PGAP1: variants seen among roughly 807,000 people sequenced by gnomAD.
The protein encoded by PGAP1 is post-GPI attachment to proteins inositol deacylase 1.
PGAP1 carries 76 observed loss-of-function variants against 127.0 expected under a neutral mutation model. The ratio of observed to expected loss-of-function variants is 0.60; its 90% CI spans 0.50 to 0.72. The LOEUF (loss-of-function observed/expected upper bound fraction) is 0.72. Among genes scored for constraint, PGAP1 ranks in the 30% least tolerant of loss-of-function variants. The probability of loss-of-function intolerance (pLI) is 0.00; values close to 1 mark genes in which losing one functional copy is unlikely to be tolerated. For synonymous variants in PGAP1, 362 were observed against 366.5 expected, an observed-to-expected ratio of 0.99 and a Z score of 0.14; for missense variants, 982 against 1,071.3, an observed-to-expected ratio of 0.92 and a Z score of 1.16.
At chr2:196,875,419 T>C (rs909862159) in intron 14 of PGAP1, among the ~76,000 whole-genome samples, 16 of 152,174 alleles carry the variant, frequency 1.1e-4, no homozygotes, top group Non-Finnish European at 1.9e-4. Context: ...TTTAGAGAAA[T>C]CTTGAAACCT....
At chr2:196,883,354 G>C (rs924029090) in intron 12 of PGAP1, among the ~76,000 whole-genome samples, 1 of 152,152 alleles carries the variant, frequency 6.6e-6, no homozygotes, top group Non-Finnish European at 1.5e-5. Flanking sequence ...CTAACAATCT[G>C]ACCAGATTCA....
chr2:196,905,173 G>A (rs6434887), intron 4 of PGAP1, among the ~76,000 whole-genome samples: 17,240 of 152,122 alleles, frequency 0.11, 1,260 homozygotes, highest in African/African-American at 0.21. Context: ...CATTCCTCAA[G>A]TAATTTTTAA....
chr2:196,847,958 C>T lies in PGAP1; in HGVS notation c.1941G>A (p.Lys647=). ...YKVDPFVIII[K]FLLGYKWFKE... The stretch of plus-strand genomic sequence containing the variant: ...ATAATAAAACTTACCCCAACAGAAA[C>T]TTAATGATAATTACAAAAGGATCAA... The change falls in exon 21 of 27, where the codon AAG becomes AAA. Residue 647 remains lysine (K), a synonymous_variant. Coordinates refer to ENST00000354764, the MANE Select transcript of PGAP1 (RefSeq NM_024989.4). The T allele has an allele frequency of 6.3e-7, 1 of 1,584,508 alleles. No individual in the cohort carries two copies. Among genetic ancestry groups the T allele is most frequent in the Non-Finnish European group, 8.6e-7 (1 of 1,167,230 alleles).
chr2:196,881,506 T>A (rs575185126), intron 12 of PGAP1, among the ~76,000 whole-genome samples: 1 of 152,334 alleles, frequency 6.6e-6, no homozygotes, highest in East Asian at 1.9e-4. Flanking sequence ...GTGTTCCTTT[T>A]TCTCTGCAAC....
At position 196,898,371 on chromosome 2, in the gene PGAP1, TA is replaced by T. The variant is rs1702356044; in HGVS notation, c.808-3del. 1.2e-6 allele frequency: 2 copies of T among 1,602,196 alleles called. No individual in the cohort carries two copies. Among genetic ancestry groups the T allele is most frequent in the African/African-American group, 1.3e-5 (1 of 74,378 alleles). ...CCAGGTCTTAGGCACTGCTGAACTC[TA>T]AAAGAAAAGAAAAAAATAAACTTAC... On this transcript the variant is annotated splice_polypyrimidine_tract_variant and splice_region_variant and intron_variant, in intron 5 of 26. Coordinates refer to ENST00000354764, the MANE Select transcript of PGAP1 (RefSeq NM_024989.4).
At chr2:196,902,791 A>C (rs1314802212) in intron 4 of PGAP1, 49 bp from the exon 5 acceptor site, 2 of 1,392,244 alleles carry the variant, frequency 1.4e-6, no homozygotes, top group Non-Finnish European at 2.0e-6. Flanking sequence ...CCATTCCCTG[A>C]AACAATAAGA....
chr2:196,894,746 G>C (rs1319665567), intron 7 of PGAP1, among the ~76,000 whole-genome samples: 1 of 152,146 alleles, frequency 6.6e-6, no homozygotes, highest in Non-Finnish European at 1.5e-5. Flanking sequence ...AGCTTGCAGT[G>C]AGCCGAGATC....
intron 9 of PGAP1, 144 bp from the exon 10 acceptor site, chr2:196,891,055 A>G (rs1290323141): frequency 1.8e-6 from 1 of 558,260 alleles, no homozygotes; most frequent in Non-Finnish European, 3.3e-6. Flanking sequence ...GGAGTGGGAG[A>G]AGGAAGATAC....
rs148811808 is a variant in PGAP1 at position 196,884,446 on chromosome 2, C to G, written c.1272+978G>C. Among the ~76,000 whole-genome samples, 210 of 152,184 alleles carry G rather than the reference C, an allele frequency of 1.4e-3. 1 individual carries two copies. Among genetic ancestry groups the G allele is most frequent in the African/African-American group, 4.9e-3 (202 of 41,550 alleles). Reference sequence around the variant, plus strand: ...ACAAGGTCACATGAATGAATATGTACAAATAAGATTGACCAAGGTGACAAA... The same window carrying G: ...ACAAGGTCACATGAATGAATATGTAGAAATAAGATTGACCAAGGTGACAAA... On this transcript the variant is annotated intron_variant, in intron 12 of 26. Coordinates refer to ENST00000354764, the MANE Select transcript of PGAP1 (RefSeq NM_024989.4).
intron 20 of PGAP1, among the ~76,000 whole-genome samples, chr2:196,863,696 G>C (rs1701143209): frequency 6.6e-6 from 1 of 152,144 alleles, no homozygotes; most frequent in Non-Finnish European, 1.5e-5. Flanking sequence ...TCCTGCCTCA[G>C]TCTCCTGGAC....
At chr2:196,857,733 C>T (rs1700930250) in intron 20 of PGAP1, among the ~76,000 whole-genome samples, 1 of 152,164 alleles carries the variant, frequency 6.6e-6, no homozygotes, top group Non-Finnish European at 1.5e-5. Flanking sequence ...AAGACTGCAA[C>T]CTGGAACAAA....
In PGAP1 at chr2:196,897,586, A is replaced by T. The variant is rs140557964; in HGVS notation, c.861-389T>A. ...AGCTGAAACACAATGAGATAAATATATCAGGGGCTGCCTATTTCTTGACCC... is the reference window on the plus strand; with the variant it reads ...AGCTGAAACACAATGAGATAAATATTTCAGGGGCTGCCTATTTCTTGACCC... On this transcript the variant is annotated intron_variant, in intron 6 of 26. Transcript: ENST00000354764. Among the ~76,000 whole-genome samples, 166 of 152,308 alleles carry T rather than the reference A, an allele frequency of 1.1e-3. 3 individuals are homozygous for T. The East Asian group carries it at 0.03, about 28-fold the overall frequency.
chr2:196,841,167 C>CT lies in PGAP1; in HGVS notation c.*66dup, dbSNP rs1700400255. The CT allele has an allele frequency of 6.9e-7, 1 of 1,443,584 alleles. No individual in the cohort carries two copies. The allele number at this position is 1,443,584 out of a possible 1,614,324, so 89.4% of individuals were successfully genotyped here. ...GATCTTGCTGTCCATACTGATGGAT[C>CT]TGTGTGTTCCCTCTTATCACTGGCC... On this transcript the variant is annotated 3_prime_UTR_variant, in exon 27 of 27. Transcript: ENST00000354764.
At chr2:196,885,176 A>C (rs957756641) in intron 12 of PGAP1, among the ~76,000 whole-genome samples, 6 of 152,238 alleles carry the variant, frequency 3.9e-5, no homozygotes, top group African/African-American at 1.4e-4. Context: ...AAGTTATAAT[A>C]TACAGAGATT....
At chr2:196,883,114 T>C (rs1399964577) in intron 12 of PGAP1, among the ~76,000 whole-genome samples, 1 of 152,256 alleles carries the variant, frequency 6.6e-6, no homozygotes, top group African/African-American at 2.4e-5. Context: ...GAGATAATGA[T>C]GTGGCTTTTG....
At position 196,919,985 on chromosome 2, in the gene PGAP1, AGT is replaced by A. The variant is rs1491118259; in HGVS notation, c.301+10_301+11del. On this transcript the variant is annotated intron_variant, in intron 2 of 26. Transcript: ENST00000354764. ...TTTATAGCTTTCAAAATTTACTTCC[AGT>A]AAGACTTACCTTGCTTATAACTTCC... The A allele has an allele frequency of 2.3e-5, 37 of 1,597,434 alleles. No homozygotes were observed. The highest frequency in any genetic ancestry group is 2.8e-5 in the Non-Finnish European group (33 of 1,174,656).
At chr2:196,899,351 G>A (rs1032579254) in intron 5 of PGAP1, among the ~76,000 whole-genome samples, 2 of 152,130 alleles carry the variant, frequency 1.3e-5, no homozygotes, top group Admixed American at 1.3e-4. Flanking sequence ...AAATAATAAT[G>A]TATCTTTGGG....
chr2:196,872,892 ATAAAC>A, intron 17 of PGAP1, 63 bp downstream of exon 17: 2 of 668,686 alleles, frequency 3.0e-6, no homozygotes, highest in Non-Finnish European at 5.3e-6. Flanking sequence ...ATTTAAATAA[ATAAAC>A]TAAGCAGAAT....
chr2:196,880,663 A>T (rs1055583434), intron 12 of PGAP1, among the ~76,000 whole-genome samples: 1 of 152,166 alleles, frequency 6.6e-6, no homozygotes, highest in African/African-American at 2.4e-5. Flanking sequence ...GCATATCTGC[A>T]CATCATCCCC....
Sources: allele counts gnomAD v4.1 joint callset (sites outside exome capture counted in the v4.1 genomes callset), GRCh38; gene constraint gnomAD v4.1.1; transcripts MANE v1.5; gene names NCBI Gene and HGNC (gene_info 2026-07-23, HGNC 2026-07-21).